ADGRA3: variants seen among roughly 807,000 people sequenced by gnomAD.
The protein encoded by ADGRA3 is G-protein coupled receptor 125.
A neutral mutation model predicts 119.8 loss-of-function variants in ADGRA3; 56 were observed. The ratio of observed to expected loss-of-function variants is 0.47; its 90% CI spans 0.38 to 0.58. The LOEUF is 0.58. Ranked by LOEUF, ADGRA3 falls within the 20% of genes least tolerant of loss-of-function variation. The probability of loss-of-function intolerance (pLI) is 0.00; values close to 1 mark genes in which losing one functional copy is unlikely to be tolerated. For missense variants in ADGRA3, 1,516 were observed against 1,649.0 expected (o/e 0.92, Z 1.40); for synonymous variants, 607 against 623.8 (o/e 0.97, Z 0.40).
chr4:22,449,682 C>G (rs1489389693), intron 4 of ADGRA3, among the ~76,000 whole-genome samples: 3 of 151,994 alleles, frequency 2.0e-5, no homozygotes, highest in Non-Finnish European at 4.4e-5. Context: ...CCCGTCTCTA[C>G]TAAAAATACA....
At chr4:22,478,824 G>C (rs1184613939) in intron 1 of ADGRA3, among the ~76,000 whole-genome samples, 3 of 152,096 alleles carry the variant, frequency 2.0e-5, no homozygotes, top group Non-Finnish European at 4.4e-5. Context: ...TTTAAGAAAA[G>C]CAGATTTACA....
intron 1 of ADGRA3, among the ~76,000 whole-genome samples, chr4:22,498,390 G>A (rs1299100255): frequency 1.3e-5 from 2 of 151,882 alleles, no homozygotes; most frequent in African/African-American, 4.8e-5. Context: ...AGGCCAAGTT[G>A]GGTGGATCAC....
chr4:22,462,703 C>G (rs1202671082), intron 2 of ADGRA3, among the ~76,000 whole-genome samples: 1 of 152,198 alleles, frequency 6.6e-6, no homozygotes, highest in African/African-American at 2.4e-5. Flanking sequence ...CACAAGCTTC[C>G]TACCATGTGG....
At chr4:22,417,711 C>T (rs188106182) in intron 12 of ADGRA3, among the ~76,000 whole-genome samples, 5 of 152,172 alleles carry the variant, frequency 3.3e-5, no homozygotes, top group African/African-American at 1.2e-4. Context: ...GAAGAATGAA[C>T]AAAGCACAAC....
At chr4:22,454,423 T>TC (rs1424386211) in intron 4 of ADGRA3, among the ~76,000 whole-genome samples, 2 of 152,188 alleles carry the variant, frequency 1.3e-5, no homozygotes, top group Non-Finnish European at 2.9e-5. Context: ...CCACCAGCCT[T>TC]CCCCTTGACA....
chr4:22,433,397 G>T (rs571407439), intron 10 of ADGRA3, among the ~76,000 whole-genome samples: 1 of 152,238 alleles, frequency 6.6e-6, no homozygotes, highest in Admixed American at 6.5e-5. Flanking sequence ...TTGCAAAACT[G>T]TTCGCCTGTA....
chr4:22,445,801 A>C (rs927846686), intron 5 of ADGRA3, among the ~76,000 whole-genome samples: 2 of 152,230 alleles, frequency 1.3e-5, no homozygotes, highest in Non-Finnish European at 2.9e-5. Context: ...AAAGATAGTA[A>C]AGAAATGTCT....
At chr4:22,512,528 G>C (rs1719483915) in intron 1 of ADGRA3, among the ~76,000 whole-genome samples, 1 of 152,092 alleles carries the variant, frequency 6.6e-6, no homozygotes, top group African/African-American at 2.4e-5. Context: ...TTAATTAAAG[G>C]ATCTTGGGAT....
intron 3 of ADGRA3, 96 bp from the exon 4 acceptor site, chr4:22,455,033 C>A: frequency 3.7e-6 from 3 of 808,674 alleles, no homozygotes; most frequent in Non-Finnish European, 6.5e-6. Flanking sequence ...AGGTATCGCA[C>A]AAGACCTTTA....
chr4:22,503,848 C>T (rs1207935016), intron 1 of ADGRA3, among the ~76,000 whole-genome samples: 1 of 152,128 alleles, frequency 6.6e-6, no homozygotes, highest in Non-Finnish European at 1.5e-5. Flanking sequence ...GCTTAGACAA[C>T]TTAAGGGAAC....
At chr4:22,418,857 C>G (rs1177153675) in intron 12 of ADGRA3, among the ~76,000 whole-genome samples, 1 of 152,044 alleles carries the variant, frequency 6.6e-6, no homozygotes, top group African/African-American at 2.4e-5. Flanking sequence ...GGGTGGTGGT[C>G]CCAACAGAAG....
intron 16 of ADGRA3, among the ~76,000 whole-genome samples, chr4:22,397,333 T>C (rs987180633): frequency 9.9e-5 from 15 of 151,892 alleles, no homozygotes; most frequent in African/African-American, 3.4e-4. Flanking sequence ...AGGCGAGCGC[T>C]ACTACGCTCA....
At position 22,387,500 on chromosome 4, in the gene ADGRA3, A is replaced by G. The variant is rs1455608134; in HGVS notation, c.*205T>C. ...TCCTGTTGGTGCTTTGACAACTAAA[A>G]CAATGTTTTAGAAAGATTTTGTTTC... On this transcript the variant is annotated 3_prime_UTR_variant, in exon 19 of 19. Transcript: ENST00000334304. 4.1e-6 allele frequency: 2 copies of G among 487,224 alleles called. No homozygotes were observed. The highest frequency in any genetic ancestry group is 6.3e-5 in the East Asian group (2 of 31,734). 30.2% of individuals were successfully genotyped at this position (487,224 alleles called of 1,614,324 possible).
At chr4:22,445,212 C>T in intron 5 of ADGRA3, 79 bp from the exon 6 acceptor site, 2 of 1,295,400 alleles carry the variant, frequency 1.5e-6, no homozygotes, top group Non-Finnish European at 2.2e-6. Flanking sequence ...GGTTACATTT[C>T]TGGTGGCAAG....
chr4:22,394,845 T>C (rs1254795384), intron 16 of ADGRA3: 1 of 152,192 alleles, frequency 6.6e-6, no homozygotes, highest in Non-Finnish European at 1.5e-5. Context: ...TTACCAATAG[T>C]GGAATTTTAG....
intron 1 of ADGRA3, among the ~76,000 whole-genome samples, chr4:22,496,406 C>G (rs568542992): frequency 6.6e-6 from 1 of 152,244 alleles, no homozygotes; most frequent in East Asian, 1.9e-4. Flanking sequence ...AAACACTTAC[C>G]ACAGGATCTG....
chr4:22,402,755 C>A lies in ADGRA3; in HGVS notation c.2277G>T (p.Leu759=). The part of the protein sequence containing the change: ...SELYTQAASL[L]HPVVYTTAII... ...TAGCGGTAGTATAAACCACAGGATG[C>A]AGGAGGCTGGCCGCCTGGGTGTATA... The change falls in exon 15 of 19, where the codon CTG becomes CTT. Residue 759 remains leucine, a synonymous_variant. Coordinates refer to ENST00000334304, the MANE Select transcript of ADGRA3 (RefSeq NM_145290.4). 1.2e-6 allele frequency: 2 copies of A among 1,613,758 alleles called. No homozygotes were observed. The highest frequency in any genetic ancestry group is 1.7e-6 in the Non-Finnish European group (2 of 1,179,764).
intron 14 of ADGRA3, 50 bp downstream of exon 14, chr4:22,413,132 T>A (rs369954722): frequency 3.7e-6 from 5 of 1,338,736 alleles, no homozygotes; most frequent in Non-Finnish European, 5.3e-6. Context: ...TAATTATGCA[T>A]AGCAAAAATG....
rs879876606 is a variant in ADGRA3 at position 22,388,280 on chromosome 4, G to T, written c.3391C>A (p.Pro1131Thr). The part of the protein sequence containing the change: ...AAAQCHANSL[P>T]LNSTPQLDNS... Reference sequence around the variant, plus strand: ...TCAAGCTGAGGGGTGGAGTTCAAAGGTAAAGAATTGGCATGGCACTGAGCT... The same window carrying T: ...TCAAGCTGAGGGGTGGAGTTCAAAGTTAAAGAATTGGCATGGCACTGAGCT... The change falls in exon 19 of 19, where the codon CCT becomes ACT. Residue 1131 changes from proline (P) to threonine (T), a missense_variant. Transcript: ENST00000334304. 1.2e-6 allele frequency: 2 copies of T among 1,613,950 alleles called. No homozygotes were observed. The highest frequency in any genetic ancestry group is 1.7e-5 in the Admixed American group (1 of 59,992).
Sources: gnomAD v4.1 joint callset for allele counts (sites outside exome capture counted in the v4.1 genomes callset) on GRCh38, gnomAD v4.1.1 for gene constraint, MANE v1.5 for transcripts, NCBI Gene and HGNC (gene_info 2026-07-23, HGNC 2026-07-21) for gene names.